The following NAA38 variants were observed in gnomAD, a reference collection of about 807,000 sequenced individuals.
NAA38 encodes the protein N-alpha-acetyltransferase 38, NatC auxiliary subunit, also known as LSM domain containing 1.
A neutral mutation model predicts 12.6 loss-of-function variants in NAA38; 15 were observed. The observed-to-expected ratio is 1.19, with a 90% CI of 0.79 to 1.83. NAA38 has a LOEUF of 1.83. NAA38 is among the 40% of genes most tolerant of loss of function. NAA38 has a pLI of 0.00. For missense variants in NAA38, 183 were observed against 171.7 expected (o/e 1.07, Z -0.37); for synonymous variants, 88 against 69.9 (o/e 1.26, Z -1.29).
intron 3 of NAA38, chr17:7,865,364 CAT>C (rs1966945834): frequency 6.6e-6 from 1 of 152,236 alleles, no homozygotes; most frequent in Non-Finnish European, 1.5e-5. Flanking sequence ...GCATGTCAAA[CAT>C]AGGATGCTAT....
At chr17:7,874,936 T>C (rs1032324710) in intron 2 of NAA38, among the ~76,000 whole-genome samples, 36 of 148,216 alleles carry the variant, frequency 2.4e-4, no homozygotes, top group Non-Finnish European at 5.2e-4. Flanking sequence ...GGCTCACACC[T>C]GTAATCCCAA....
At chr17:7,858,243 T>G, upstream of NAA38, 1 of 1,613,994 alleles carries the variant, frequency 6.2e-7, no homozygotes, top group Admixed American at 1.7e-5. Context: ...CCTCTGGGTA[T>G]CTTACCTGGG....
chr17:7,859,712 A>C (rs1250247686), upstream of NAA38: 16 of 1,000,482 alleles, frequency 1.6e-5, no homozygotes, highest in Non-Finnish European at 2.3e-5. Context: ...GCCTGGACCC[A>C]GATCTCCACT....
upstream of NAA38, chr17:7,861,495 A>G (rs1357325233): frequency 6.6e-6 from 1 of 152,128 alleles, no homozygotes; most frequent in African/African-American, 2.4e-5. Flanking sequence ...TTGAGAATGA[A>G]AGCTATGCTG....
rs752841142 is a variant in NAA38, at chr17:7,857,006, G to A, written c.265+9C>T. The A allele has an allele frequency of 6.2e-7, 1 of 1,600,590 alleles. No individual in the cohort carries two copies. Among genetic ancestry groups the A allele is most frequent in the African/African-American group, 1.3e-5 (1 of 74,706 alleles). ...TTACCAGGCGGGTGTGCATTCCCCG[G>A]GCACTGACCCGACGGCTTGAGGAAC... is the stretch of plus-strand genomic sequence containing the variant. On this transcript the variant is annotated intron_variant, in intron 2 of 2. Coordinates refer to ENST00000575771, the MANE Select transcript of NAA38 (RefSeq NM_001320925.4).
At chr17:7,882,433 T>C (rs2151393989) in intron 2 of NAA38, among the ~76,000 whole-genome samples, 1 of 151,690 alleles carries the variant, frequency 6.6e-6, no homozygotes, top group African/African-American at 2.4e-5. Flanking sequence ...AAGACAGAGA[T>C]GGAAAGTCAC....
chr17:7,868,368 G>A (rs1159310561), intron 2 of NAA38, among the ~76,000 whole-genome samples: 1 of 152,216 alleles, frequency 6.6e-6, no homozygotes, highest in Admixed American at 6.5e-5. Flanking sequence ...GGTCATGGTG[G>A]CTTTGTTAGA....
chr17:7,885,389 G>A (rs1271580734), upstream of NAA38, among the ~76,000 whole-genome samples: 1 of 147,966 alleles, frequency 6.8e-6, no homozygotes, highest in Admixed American at 6.8e-5. Flanking sequence ...CGCGCGGACC[G>A]GGCCACTCGG....
At chr17:7,872,852 G>C (rs1307509043) in intron 2 of NAA38, among the ~76,000 whole-genome samples, 1 of 152,160 alleles carries the variant, frequency 6.6e-6, no homozygotes, top group Non-Finnish European at 1.5e-5. Flanking sequence ...GCAGTCAACA[G>C]GTATTTCCAG....
upstream of NAA38, chr17:7,860,823 C>T (rs1441402377): frequency 6.6e-6 from 1 of 151,518 alleles, no homozygotes; most frequent in East Asian, 1.9e-4. Context: ...TTGTTAATCC[C>T]ATACCCCAGA....
chr17:7,858,922 G>A (rs1422086597), upstream of NAA38: 1 of 1,161,450 alleles, frequency 8.6e-7, no homozygotes, highest in Non-Finnish European at 1.2e-6. Context: ...TAACCGGTGG[G>A]AGTGTATTTT....
intron 2 of NAA38, among the ~76,000 whole-genome samples, chr17:7,881,272 T>TG (rs5819181): frequency 0.86 from 130,269 of 151,852 alleles, 56,251 homozygotes; most frequent in East Asian, 0.98. Flanking sequence ...AGAAGTTAAC[T>TG]GGAAAAAGAA....
chr17:7,883,020 G>C (rs1267149614), intron 2 of NAA38, among the ~76,000 whole-genome samples: 1 of 152,122 alleles, frequency 6.6e-6, no homozygotes, highest in Non-Finnish European at 1.5e-5. Flanking sequence ...AATGAAAGAG[G>C]GTAGAACTGA....
intron 2 of NAA38, among the ~76,000 whole-genome samples, chr17:7,880,130 A>G (rs959730703): frequency 1.3e-5 from 2 of 152,214 alleles, no homozygotes; most frequent in Non-Finnish European, 2.9e-5. Flanking sequence ...AAGTGCTATC[A>G]CATACATTAC....
At chr17:7,882,999 G>C (rs932358259) in intron 2 of NAA38, among the ~76,000 whole-genome samples, 1 of 152,168 alleles carries the variant, frequency 6.6e-6, no homozygotes, top group African/African-American at 2.4e-5. Flanking sequence ...GAGTAAGAAA[G>C]GGTCAACAAG....
intron 2 of NAA38, among the ~76,000 whole-genome samples, chr17:7,881,409 G>A (rs1419497088): frequency 6.6e-6 from 1 of 152,016 alleles, no homozygotes; most frequent in Non-Finnish European, 1.5e-5. Flanking sequence ...CAGACTGTCT[G>A]AGGAACCAGA....
At chr17:7,878,927 A>G (rs1056877987) in intron 2 of NAA38, among the ~76,000 whole-genome samples, 1 of 151,502 alleles carries the variant, frequency 6.6e-6, no homozygotes, top group Non-Finnish European at 1.5e-5. Flanking sequence ...ATAAATATGT[A>G]TATGTGTATA....
upstream of NAA38, chr17:7,858,450 A>T: frequency 6.2e-7 from 1 of 1,614,224 alleles, no homozygotes; most frequent in South Asian, 1.1e-5. Flanking sequence ...CCAGGATATC[A>T]GCCACTGGTT....
At chr17:7,884,097 T>C (rs1967399089) in intron 1 of NAA38, among the ~76,000 whole-genome samples, 1 of 116,072 alleles carries the variant, frequency 8.6e-6, no homozygotes, top group African/African-American at 3.7e-5. Flanking sequence ...CACACACACT[T>C]CAGTACACAA....
Sources: gnomAD v4.1 joint callset for allele counts (sites outside exome capture counted in the v4.1 genomes callset) on GRCh38, gnomAD v4.1.1 for gene constraint, MANE v1.5 for transcripts, NCBI Gene and HGNC (gene_info 2026-07-23, HGNC 2026-07-21) for gene names.